SPATA16: variants seen among roughly 807,000 people sequenced by gnomAD.
SPATA16 encodes the protein spermatogenesis-associated protein 16.
A neutral mutation model predicts 63.3 loss-of-function variants in SPATA16; 36 were observed. That is an observed-to-expected ratio of 0.57 (90% CI 0.44 to 0.75). SPATA16 has a LOEUF of 0.75. SPATA16 is among the 30% of genes least tolerant of loss of function. SPATA16 has a pLI of 0.00. For missense variants in SPATA16, 646 were observed against 679.3 expected, an observed-to-expected ratio of 0.95 and a Z score of 0.54; for synonymous variants, 203 against 216.7, an observed-to-expected ratio of 0.94 and a Z score of 0.56.
At chr3:172,967,028 A>C (rs116831987) in intron 5 of SPATA16, among the ~76,000 whole-genome samples, 5,808 of 152,334 alleles carry the variant, frequency 0.038, 376 homozygotes, top group African/African-American at 0.13. Context: ...AGAAGGAGTC[A>C]ACATGTTTGT....
At chr3:173,091,967 C>A (rs181356429) in intron 2 of SPATA16, among the ~76,000 whole-genome samples, 9 of 152,184 alleles carry the variant, frequency 5.9e-5, no homozygotes, top group Non-Finnish European at 1.2e-4. Flanking sequence ...GGTAGTGTCT[C>A]CCTCCATAAA....
intron 2 of SPATA16, among the ~76,000 whole-genome samples, chr3:173,082,259 T>A (rs1280043988): frequency 2.0e-5 from 3 of 152,174 alleles, no homozygotes; most frequent in African/African-American, 7.2e-5. Flanking sequence ...TTAAACAAAG[T>A]ATGTTCTATC....
At position 173,027,974 on chromosome 3, in the gene SPATA16, T is replaced by TCCCTCC. The variant is rs1735490836; in HGVS notation, c.759-8400_759-8399insGGAGGG. On this transcript the variant is annotated intron_variant, in intron 3 of 10. Transcript: ENST00000351008. The stretch of plus-strand genomic sequence containing the variant: ...GGGATTAGGGAACAAATTTATTTTT[T>TCCCTCC]CTCCCTCCCTCCCTCCCTCCCTCCC... 3.4e-4 allele frequency among the ~76,000 whole-genome samples: 8 copies of TCCCTCC among 23,416 alleles called. No individual in the cohort carries two copies. In the East Asian group the frequency reaches 8.4e-3, roughly 25 times the overall value. 15.4% of individuals were successfully genotyped at this position (23,416 alleles called of 152,430 possible). A position where few individuals can be genotyped will look rare whatever the true frequency, so the allele number is the denominator to read the frequency against.
intron 3 of SPATA16, among the ~76,000 whole-genome samples, chr3:173,033,053 C>T (rs1735640631): frequency 6.6e-6 from 1 of 152,108 alleles, no homozygotes; most frequent in Admixed American, 6.6e-5. Flanking sequence ...ATCAAATGTA[C>T]ACAATCTTAC....
At chr3:173,035,436 A>T (rs1186533040) in intron 3 of SPATA16, among the ~76,000 whole-genome samples, 1 of 152,074 alleles carries the variant, frequency 6.6e-6, no homozygotes, top group Non-Finnish European at 1.5e-5. Flanking sequence ...CTCAGAAATG[A>T]CTTGGTGATA....
At chr3:173,054,326 C>T (rs1386895603) in intron 2 of SPATA16, among the ~76,000 whole-genome samples, 1 of 152,158 alleles carries the variant, frequency 6.6e-6, no homozygotes, top group Non-Finnish European at 1.5e-5. Context: ...TATAAAGACA[C>T]ATGCACATGT....
chr3:172,928,302 C>G (rs1184845413), intron 6 of SPATA16, among the ~76,000 whole-genome samples: 1 of 152,186 alleles, frequency 6.6e-6, no homozygotes, highest in Non-Finnish European at 1.5e-5. Context: ...GTGATTTCTA[C>G]TTTTCAGTTT....
chr3:172,933,693 G>T (rs1007874016), intron 6 of SPATA16, among the ~76,000 whole-genome samples: 1 of 152,174 alleles, frequency 6.6e-6, no homozygotes, highest in African/African-American at 2.4e-5. Flanking sequence ...TCCCACCTGT[G>T]GATCTTCAAG....
chr3:173,123,031 G>C (rs2108341612), intron 1 of SPATA16, among the ~76,000 whole-genome samples: 1 of 152,294 alleles, frequency 6.6e-6, no homozygotes, highest in East Asian at 1.9e-4. Context: ...TTTGAGAAGA[G>C]GGACAAGTGT....
At chr3:173,067,008 T>C (rs971646623) in intron 2 of SPATA16, among the ~76,000 whole-genome samples, 2 of 139,054 alleles carry the variant, frequency 1.4e-5, no homozygotes, top group East Asian at 4.1e-4. Context: ...GCTGAAAAAT[T>C]CAATTGACAA....
intron 4 of SPATA16, among the ~76,000 whole-genome samples, chr3:173,006,169 A>C (rs1002074658): frequency 1.3e-5 from 2 of 152,218 alleles, no homozygotes; most frequent in Non-Finnish European, 2.9e-5. Context: ...ATACACCAAG[A>C]CACAACATTT....
chr3:172,933,348 A>G (rs73175065), intron 6 of SPATA16, among the ~76,000 whole-genome samples: 9,236 of 152,124 alleles, frequency 0.061, 433 homozygotes, highest in Admixed American at 0.11. Flanking sequence ...GTGAGACCCA[A>G]TTGACCAAGT....
chr3:172,953,039 A>G (rs1733479319), intron 6 of SPATA16, among the ~76,000 whole-genome samples: 1 of 151,788 alleles, frequency 6.6e-6, no homozygotes, highest in South Asian at 2.1e-4. Flanking sequence ...TGCTCTGTTT[A>G]TCCTACATAA....
intron 4 of SPATA16, among the ~76,000 whole-genome samples, chr3:172,983,228 G>A (rs1355321497): frequency 6.6e-6 from 1 of 151,966 alleles, no homozygotes; most frequent in African/African-American, 2.4e-5. Context: ...CGTATTCTCT[G>A]AATAGAAGTC....
intron 2 of SPATA16, among the ~76,000 whole-genome samples, chr3:173,109,976 T>C (rs1316918073): frequency 1.3e-5 from 2 of 152,238 alleles, no homozygotes; most frequent in African/African-American, 4.8e-5. Context: ...GTTTAATTAT[T>C]ATAAAGTATA....
At chr3:172,934,162 A>G (rs1260401581) in intron 6 of SPATA16, among the ~76,000 whole-genome samples, 1 of 151,788 alleles carries the variant, frequency 6.6e-6, no homozygotes, top group Non-Finnish European at 1.5e-5. Flanking sequence ...TCTACATCTC[A>G]CAGAAAATGA....
chr3:172,975,281 C>T (rs1012093687), intron 5 of SPATA16, among the ~76,000 whole-genome samples: 1 of 152,122 alleles, frequency 6.6e-6, no homozygotes, highest in African/African-American at 2.4e-5. Context: ...CAAGGTCTTA[C>T]TTTGTCTTAG....
chr3:173,006,711 A>T (rs1409662730), intron 4 of SPATA16, among the ~76,000 whole-genome samples: 1 of 152,206 alleles, frequency 6.6e-6, no homozygotes, highest in East Asian at 1.9e-4. Context: ...GTGATTACTT[A>T]TCTACAGCAA....
intron 2 of SPATA16, among the ~76,000 whole-genome samples, chr3:173,105,691 C>A (rs1448854657): frequency 6.6e-6 from 1 of 152,202 alleles, no homozygotes; most frequent in Non-Finnish European, 1.5e-5. Context: ...GGCTTGCCAG[C>A]AGCCTTCACA....
Sources: gnomAD v4.1 joint callset for allele counts (sites outside exome capture counted in the v4.1 genomes callset) on GRCh38, gnomAD v4.1.1 for gene constraint, MANE v1.5 for transcripts, NCBI Gene and HGNC (gene_info 2026-07-23, HGNC 2026-07-21) for gene names.